The following RGL1 variants were observed in gnomAD, a reference collection of about 807,000 sequenced individuals.
The protein encoded by RGL1 is ral guanine nucleotide dissociation stimulator-like 1.
RGL1 carries 24 observed loss-of-function variants against 95.2 expected under a neutral mutation model. The observed-to-expected ratio is 0.25, with a 90% CI of 0.18 to 0.35. The LOEUF (loss-of-function observed/expected upper bound fraction) is 0.35, where lower values mean the gene tolerates loss of function less well. Ranked by LOEUF, RGL1 falls within the 10% of genes least tolerant of loss-of-function variation. The pLI is 1.00. For missense variants in RGL1, 715 were observed against 936.3 expected (o/e 0.76, Z 3.08); for synonymous variants, 329 against 344.9 (o/e 0.95, Z 0.51).
intron 4 of RGL1, among the ~76,000 whole-genome samples, chr1:183,880,227 G>C (rs529527820): frequency 4.6e-5 from 7 of 152,170 alleles, no homozygotes; most frequent in Non-Finnish European, 8.8e-5. Context: ...TAACATATTA[G>C]GTGGCAGATT....
chr1:183,805,955 CT>C (rs1443606271), intron 1 of RGL1, among the ~76,000 whole-genome samples: 5 of 50,802 alleles, frequency 9.8e-5, no homozygotes, highest in Non-Finnish European at 1.3e-4. Flanking sequence ...TTTTCTTTTT[CT>C]TTTTCTTTTC....
intron 2 of RGL1, among the ~76,000 whole-genome samples, chr1:183,746,589 T>G (rs1030405824): frequency 6.6e-6 from 1 of 151,724 alleles, no homozygotes; most frequent in Non-Finnish European, 1.5e-5. Flanking sequence ...TTTGCCATGA[T>G]GAACAATGCT....
intron 2 of RGL1, among the ~76,000 whole-genome samples, chr1:183,759,564 C>T (rs1658541522): frequency 6.6e-6 from 1 of 152,166 alleles, no homozygotes. Context: ...GACATCAAAA[C>T]ATCATAATAT....
At chr1:183,733,646 T>G (rs1347772591) in intron 1 of RGL1, among the ~76,000 whole-genome samples, 4 of 152,184 alleles carry the variant, frequency 2.6e-5, no homozygotes, top group Non-Finnish European at 5.9e-5. Flanking sequence ...GAGGATTTAT[T>G]CCCATTCAGA....
intron 9 of RGL1, among the ~76,000 whole-genome samples, chr1:183,893,964 CT>C (rs752106640): frequency 6.6e-6 from 1 of 152,178 alleles, no homozygotes; most frequent in Admixed American, 6.5e-5. Context: ...ACTATTAGCC[CT>C]TCTTGGAGTA....
At chr1:183,670,923 T>C (rs1365076725) in intron 1 of RGL1, among the ~76,000 whole-genome samples, 1 of 152,240 alleles carries the variant, frequency 6.6e-6, no homozygotes, top group African/African-American at 2.4e-5. Flanking sequence ...TTCATACTTC[T>C]GTAAGAACTG....
At chr1:183,648,667 C>T (rs766038265) in intron 1 of RGL1, 7 of 1,614,212 alleles carry the variant, frequency 4.3e-6, no homozygotes, top group Middle Eastern at 1.6e-4. Flanking sequence ...CTTGCTTCTT[C>T]ACCTGTTCGA....
intron 2 of RGL1, chr1:183,754,317 C>A (rs963879260): frequency 2.0e-5 from 3 of 152,124 alleles, no homozygotes; most frequent in East Asian, 1.9e-4. Flanking sequence ...CATAAGCTAA[C>A]CTTGGGCTTT....
intron 2 of RGL1, among the ~76,000 whole-genome samples, chr1:183,784,106 A>G (rs1383270030): frequency 6.6e-6 from 1 of 152,234 alleles, no homozygotes; most frequent in Non-Finnish European, 1.5e-5. Context: ...TTGCTGCAAA[A>G]GACAGGGCAA....
intron 1 of RGL1, among the ~76,000 whole-genome samples, chr1:183,714,044 C>A (rs561053439): frequency 6.6e-6 from 1 of 152,110 alleles, no homozygotes; most frequent in Non-Finnish European, 1.5e-5. Context: ...TCTTAAGCCA[C>A]GAGAAATATG....
chr1:183,826,057 TCTC>T (rs1662829205), intron 2 of RGL1, among the ~76,000 whole-genome samples: 1 of 78,908 alleles, frequency 1.3e-5, no homozygotes, highest in Non-Finnish European at 3.7e-5. Flanking sequence ...TCTCTGTCTC[TCTC>T]TTTTTTTTTT....
chr1:183,896,477 G>A (rs1459359091), intron 9 of RGL1, among the ~76,000 whole-genome samples: 4 of 152,214 alleles, frequency 2.6e-5, no homozygotes, highest in Non-Finnish European at 4.4e-5. Flanking sequence ...TTCTGTCCCA[G>A]TAGTGTACCT....
chr1:183,907,169 C>G, intron 14 of RGL1, 68 bp downstream of exon 14: 1 of 876,750 alleles, frequency 1.1e-6, no homozygotes, highest in Non-Finnish European at 1.9e-6. Flanking sequence ...GAGATGTATT[C>G]AACAGGATGA....
rs577350440 is a variant in RGL1 at position 183,787,826 on chromosome 1, C to CA, written c.133-18539dup. The stretch of plus-strand genomic sequence containing the variant: ...AGCTGATTGTTAAAAAAAACAAAAA[C>CA]AAAAAAAAAAGAGCCTGGCACCTCC... On this transcript the variant is annotated intron_variant, in intron 2 of 18. Transcript: ENST00000304685. Among the ~76,000 whole-genome samples, 555 of 145,874 alleles carry CA rather than the reference C, an allele frequency of 3.8e-3. 1 individual carries two copies. The highest frequency in any genetic ancestry group is 0.013 in the East Asian group (63 of 5,038).
intron 2 of RGL1, among the ~76,000 whole-genome samples, chr1:183,772,007 C>T (rs1379079424): frequency 1.3e-5 from 2 of 152,226 alleles, no homozygotes; most frequent in Non-Finnish European, 2.9e-5. Context: ...CAGGTTTAGG[C>T]GGAGTTTGGC....
chr1:183,925,888 T>C (rs1282388073), intron 17 of RGL1, among the ~76,000 whole-genome samples: 1 of 152,200 alleles, frequency 6.6e-6, no homozygotes, highest in Admixed American at 6.5e-5. Flanking sequence ...GGAGCGAATT[T>C]CTAAAATCTC....
chr1:183,838,539 TCG>T (rs1311215164), intron 2 of RGL1, among the ~76,000 whole-genome samples: 3 of 152,224 alleles, frequency 2.0e-5, no homozygotes, highest in Admixed American at 6.5e-5. Context: ...CTCTTGGGGC[TCG>T]TGTAGTTTTT....
rs567152927 is a variant in RGL1 at position 183,659,146 on chromosome 1, G to T, written c.-33+22645G>T. ...AAAACTGGAAACTCTAAAAAGCAGA[G>T]CGCCTCTCCTCCTCCAAAGGAATAC... On this transcript the variant is annotated intron_variant, in intron 1 of 18. Transcript: ENST00000304685. Among the ~76,000 whole-genome samples, 3 of 152,300 alleles carry T rather than the reference G, an allele frequency of 2.0e-5. No individual in the cohort carries two copies. The South Asian group carries it at 6.2e-4, about 32-fold the overall frequency.
chr1:183,674,106 G>C (rs1479781510), intron 1 of RGL1, among the ~76,000 whole-genome samples: 1 of 152,044 alleles, frequency 6.6e-6, no homozygotes, highest in South Asian at 2.1e-4. Flanking sequence ...CAAAGGACTC[G>C]CTTTCCCTGA....
Sources: gnomAD v4.1 joint callset for allele counts (sites outside exome capture counted in the v4.1 genomes callset) on GRCh38, gnomAD v4.1.1 for gene constraint, MANE v1.5 for transcripts, NCBI Gene and HGNC (gene_info 2026-07-23, HGNC 2026-07-21) for gene names.